The following STARD13 variants were observed in gnomAD, a reference collection of about 807,000 sequenced individuals.
STARD13 encodes the protein stAR-related lipid transfer protein 13.
A neutral mutation model predicts 106.4 loss-of-function variants in STARD13; 62 were observed. That is an observed-to-expected ratio of 0.58 (90% CI 0.48 to 0.72). The LOEUF (loss-of-function observed/expected upper bound fraction) is 0.72, where lower values mean the gene tolerates loss of function less well. STARD13 is among the 30% of genes least tolerant of loss of function. The pLI is 0.00. For synonymous variants in STARD13, 565 were observed against 553.0 expected, an observed-to-expected ratio of 1.02 and a Z score of -0.31; for missense variants, 1,387 against 1,424.0, an observed-to-expected ratio of 0.97 and a Z score of 0.42.
chr13:33,281,340 T>C (rs1310840666), intron 1 of STARD13: 1 of 152,098 alleles, frequency 6.6e-6, no homozygotes, highest in African/African-American at 2.4e-5. Flanking sequence ...TATAATAGTG[T>C]GATAAGTTCT....
At chr13:33,254,428 A>G (rs960107441) in intron 1 of STARD13, among the ~76,000 whole-genome samples, 1 of 152,194 alleles carries the variant, frequency 6.6e-6, no homozygotes, top group Non-Finnish European at 1.5e-5. Context: ...CAATCCCTTC[A>G]TAGCTGTTGC....
chr13:33,547,713 G>A, the STARD13 span, among the ~76,000 whole-genome samples: 1 of 152,134 alleles, frequency 6.6e-6, no homozygotes. Context: ...AGGATTTTAA[G>A]ACTATATCAC....
intron 1 of STARD13, among the ~76,000 whole-genome samples, chr13:33,172,154 A>G (rs1297189715): frequency 6.6e-6 from 1 of 152,234 alleles, no homozygotes; most frequent in African/African-American, 2.4e-5. Flanking sequence ...AAACAGTACT[A>G]TGCTAATATC....
chr13:33,121,364 T>G (rs1295950366), intron 7 of STARD13, among the ~76,000 whole-genome samples: 1 of 151,972 alleles, frequency 6.6e-6, no homozygotes, highest in Non-Finnish European at 1.5e-5. Flanking sequence ...GTCAGGAGTT[T>G]GAGACCAGCC....
At chr13:33,662,020 TG>T in the STARD13 span, among the ~76,000 whole-genome samples, 1 of 152,082 alleles carries the variant, frequency 6.6e-6, no homozygotes, top group South Asian at 2.1e-4. Flanking sequence ...CCCAGCACTC[TG>T]GGAGGCCGAG....
intron 1 of STARD13, among the ~76,000 whole-genome samples, chr13:33,333,321 G>C (rs2077858918): frequency 6.6e-6 from 1 of 152,186 alleles, no homozygotes. Flanking sequence ...CTGGGAGGCG[G>C]AGGTTGCAGT....
chr13:33,355,885 C>T, the STARD13 span, among the ~76,000 whole-genome samples: 1 of 152,090 alleles, frequency 6.6e-6, no homozygotes, highest in African/African-American at 2.4e-5. Flanking sequence ...GGGTTTTGTT[C>T]TGTTAATTAA....
chr13:33,171,012 T>G (rs1004936736), intron 1 of STARD13, among the ~76,000 whole-genome samples: 1 of 152,188 alleles, frequency 6.6e-6, no homozygotes, highest in African/African-American at 2.4e-5. Context: ...CCAAAATGAC[T>G]GGAGAACTAA....
chr13:33,444,145 T>A, the STARD13 span, among the ~76,000 whole-genome samples: 1 of 152,172 alleles, frequency 6.6e-6, no homozygotes, highest in Non-Finnish European at 1.5e-5. Context: ...CTCTGGGTAT[T>A]GTATTCACTA....
chr13:33,514,444 C>T, the STARD13 span, among the ~76,000 whole-genome samples: 1 of 152,050 alleles, frequency 6.6e-6, no homozygotes, highest in Non-Finnish European at 1.5e-5. Context: ...ACCTAGTTAT[C>T]TAGTTACCAG....
At chr13:33,315,324 A>C (rs544744207) in intron 1 of STARD13, among the ~76,000 whole-genome samples, 1 of 152,352 alleles carries the variant, frequency 6.6e-6, no homozygotes, top group East Asian at 1.9e-4. Context: ...GATTAGCAGG[A>C]ATATTCAGTA....
At chr13:33,207,532 T>C (rs1887487914) in intron 1 of STARD13, among the ~76,000 whole-genome samples, 1 of 152,184 alleles carries the variant, frequency 6.6e-6, no homozygotes, top group African/African-American at 2.4e-5. Flanking sequence ...CTCAACCTTG[T>C]AGGGATTTGT....
In STARD13 at chr13:33,147,687, CAAACA is replaced by C. The variant is rs1880732774; in HGVS notation, c.324-5319_324-5315del. ...GTCCAGTTTTAAACAAACAAACAAA[CAAACA>C]AAAAACCAAAACAGTGGATATCAGC... is the stretch of plus-strand genomic sequence containing the variant. On this transcript the variant is annotated intron_variant, in intron 3 of 13. Transcript: ENST00000336934. Among the ~76,000 whole-genome samples the C allele has an allele frequency of 4.6e-5, 7 of 152,176 alleles. No homozygotes were observed. In the South Asian group the frequency reaches 1.5e-3, roughly 32 times the overall value.
At chr13:33,643,128 T>A in the STARD13 span, among the ~76,000 whole-genome samples, 1 of 148,604 alleles carries the variant, frequency 6.7e-6, no homozygotes, top group Non-Finnish European at 1.5e-5. Flanking sequence ...TAAATACCAG[T>A]GAAGTGAGTT....
chr13:33,579,608 C>T, the STARD13 span, among the ~76,000 whole-genome samples: 2 of 150,724 alleles, frequency 1.3e-5, no homozygotes, highest in Non-Finnish European at 3.0e-5. Context: ...CCAAAAACCA[C>T]TTGTACTCAA....
chr13:33,668,234 A>G, the STARD13 span, among the ~76,000 whole-genome samples: 1 of 152,196 alleles, frequency 6.6e-6, no homozygotes, highest in African/African-American at 2.4e-5. Context: ...GCACCTACCT[A>G]ATTGTTTCAA....
At chr13:33,368,713 A>G in the STARD13 span, among the ~76,000 whole-genome samples, 1 of 152,094 alleles carries the variant, frequency 6.6e-6, no homozygotes, top group Non-Finnish European at 1.5e-5. Context: ...AGCTTTGAGA[A>G]TGAGAGTCTG....
Position 33,128,981 on chromosome 13 carries a change from C to T in STARD13, c.1696G>A (p.Val566Ile). Residue 566 changes from valine to isoleucine, a missense_variant, in exon 5 of 14, where the codon GTC (valine) becomes ATC (isoleucine). Physicochemically the swap from Val to Ile is conservative, Grantham distance 29. Transcript: ENST00000336934. ...TSLNESEPPG[V>I]RDRRDSGVGA... ...ACACCAGAATCCCTCCTGTCTCTGA[C>T]CCCAGGAGGCTCAGATTCATTAAGA... The T allele has an allele frequency of 6.2e-7, 1 of 1,614,008 alleles. No individual in the cohort carries two copies.
the STARD13 span, among the ~76,000 whole-genome samples, chr13:33,662,519 C>A: frequency 6.6e-6 from 1 of 152,144 alleles, no homozygotes; most frequent in Non-Finnish European, 1.5e-5. Flanking sequence ...GGTCAAGGTG[C>A]AAGTTACATC....
Sources: gnomAD v4.1 joint callset for allele counts (sites outside exome capture counted in the v4.1 genomes callset) on GRCh38, gnomAD v4.1.1 for gene constraint, MANE v1.5 for transcripts, NCBI Gene and HGNC (gene_info 2026-07-23, HGNC 2026-07-21) for gene names.